The following ZMIZ1 variants were observed in gnomAD, a reference collection of about 807,000 sequenced individuals.
ZMIZ1 encodes the protein zinc finger MIZ domain-containing protein 1.
In ZMIZ1, 17 loss-of-function variants were observed where a neutral mutation model predicts 113.9. The observed-to-expected ratio is 0.15, with a 90% CI of 0.10 to 0.22. ZMIZ1 has a LOEUF of 0.22. Ranked by LOEUF, ZMIZ1 falls within the 10% of genes least tolerant of loss-of-function variation. ZMIZ1 has a pLI of 1.00. For synonymous variants in ZMIZ1, 607 were observed against 603.1 expected (o/e 1.01, Z -0.09); for missense variants, 1,059 against 1,477.8 (o/e 0.72, Z 4.65).
At chr10:79,173,638 G>A (rs1846696929) in intron 4 of ZMIZ1, among the ~76,000 whole-genome samples, 3 of 152,200 alleles carry the variant, frequency 2.0e-5, no homozygotes, top group African/African-American at 7.2e-5. Context: ...CCAAATCTTT[G>A]CTGTTAATCA....
chr10:79,289,653 C>T, intron 8 of ZMIZ1, 122 bp from the exon 9 acceptor site: 2 of 855,430 alleles, frequency 2.3e-6, no homozygotes, highest in Non-Finnish European at 3.7e-6. Flanking sequence ...CCAGTACCGA[C>T]TCGGATGGGG....
chr10:79,173,675 A>T (rs768572759), intron 4 of ZMIZ1, among the ~76,000 whole-genome samples: 22 of 152,174 alleles, frequency 1.4e-4, no homozygotes, highest in Admixed American at 3.9e-4. Context: ...AGTGTGTGTT[A>T]TGTGTTGGGG....
At chr10:79,259,477 TCTCA>T (rs532180313) in intron 7 of ZMIZ1, among the ~76,000 whole-genome samples, 30 of 152,296 alleles carry the variant, frequency 2.0e-4, no homozygotes, top group African/African-American at 7.2e-4. Flanking sequence ...ACCCTGTGCT[TCTCA>T]CTCCATTAAT....
In ZMIZ1 at chr10:79,300,776, G is replaced by A. The variant is rs1239578246; in HGVS notation, c.1853G>A (p.Arg618Gln). The A allele has an allele frequency of 3.1e-6, 5 of 1,613,884 alleles. No homozygotes were observed. Among genetic ancestry groups the A allele is most frequent in the East Asian group, 2.2e-5 (1 of 44,894 alleles). Residue 618 changes from arginine to glutamine, a missense_variant, in exon 17 of 25, where the codon CGG (arginine) becomes CAG (glutamine). Arg to Gln is a conservative substitution (Grantham distance 43). Around this residue, in one of 6 missense-constraint regions of ZMIZ1, gnomAD observed 217 missense variants for 426.9 expected, o/e 0.51. Coordinates refer to ENST00000334512, the MANE Select transcript of ZMIZ1 (RefSeq NM_020338.4). ...TTCAAGTGCTACCACCACGAGGACC[G>A]GCAGATGAACACCAACTGGCCCGCC... is the stretch of plus-strand genomic sequence containing the variant. ...LQFKCYHHEDRQMNTNWPASV... is the reference protein window; with the variant it reads ...LQFKCYHHEDQQMNTNWPASV...
chr10:79,124,553 A>G (rs1000505983), intron 2 of ZMIZ1, among the ~76,000 whole-genome samples: 1 of 152,214 alleles, frequency 6.6e-6, no homozygotes, highest in Non-Finnish European at 1.5e-5. Flanking sequence ...GCACCGTGCT[A>G]GGCCCTGGTA....
intron 1 of ZMIZ1, among the ~76,000 whole-genome samples, chr10:79,114,129 C>A (rs1190212969): frequency 6.6e-6 from 1 of 152,226 alleles, no homozygotes; most frequent in African/African-American, 2.4e-5. Context: ...TATCCAGCGG[C>A]AGACTTCCCT....
At chr10:79,246,208 G>A (rs1343283012) in intron 7 of ZMIZ1, among the ~76,000 whole-genome samples, 2 of 152,254 alleles carry the variant, frequency 1.3e-5, no homozygotes, top group African/African-American at 2.4e-5. Context: ...CCCTTGGCCA[G>A]CACTCTGTCA....
chr10:79,140,835 T>G (rs1471783668), intron 3 of ZMIZ1, among the ~76,000 whole-genome samples: 2 of 152,044 alleles, frequency 1.3e-5, no homozygotes, highest in Non-Finnish European at 2.9e-5. Flanking sequence ...CAGGTTGGAG[T>G]GCAGTGACAC....
intron 4 of ZMIZ1, among the ~76,000 whole-genome samples, chr10:79,194,794 A>G (rs1391095465): frequency 6.6e-6 from 1 of 152,138 alleles, no homozygotes; most frequent in African/African-American, 2.4e-5. Context: ...TCTATACATA[A>G]TAGCCGCTAA....
chr10:79,242,539 G>GCCCTC (rs543878844), intron 7 of ZMIZ1, among the ~76,000 whole-genome samples: 254 of 131,160 alleles, frequency 1.9e-3, no homozygotes, highest in African/African-American at 6.4e-3. Flanking sequence ...GCCTAGCCCC[G>GCCCTC]CCCTCCCCTC....
At chr10:79,293,300 T>G (rs1334299034) in intron 11 of ZMIZ1, 81 bp from the exon 12 acceptor site, 7 of 1,486,388 alleles carry the variant, frequency 4.7e-6, no homozygotes, top group Non-Finnish European at 6.3e-6. Context: ...CCCCAACCCT[T>G]CCCTCCCTGC....
At chr10:79,156,035 G>T (rs1342637173) in intron 3 of ZMIZ1, among the ~76,000 whole-genome samples, 1 of 152,222 alleles carries the variant, frequency 6.6e-6, no homozygotes, top group Non-Finnish European at 1.5e-5. Context: ...CACAAAGGCT[G>T]GGCAAGTGCT....
At chr10:79,304,226 G>A in intron 19 of ZMIZ1, 51 bp downstream of exon 19, 1 of 1,582,024 alleles carries the variant, frequency 6.3e-7, no homozygotes, top group Non-Finnish European at 8.6e-7. Context: ...GACTCTGGCT[G>A]GGATGGTGAG....
chr10:79,163,117 C>G (rs576070212), intron 4 of ZMIZ1, among the ~76,000 whole-genome samples: 1 of 152,382 alleles, frequency 6.6e-6, no homozygotes, highest in South Asian at 2.1e-4. Context: ...GCCCAGAGCC[C>G]TTTGTCCCAA....
At chr10:79,142,366 G>T (rs1173114531) in intron 3 of ZMIZ1, among the ~76,000 whole-genome samples, 1 of 152,180 alleles carries the variant, frequency 6.6e-6, no homozygotes, top group Non-Finnish European at 1.5e-5. Context: ...TGGCGCTTGA[G>T]AGGGTCAGGA....
At chr10:79,231,086 C>T (rs1471715496) in intron 7 of ZMIZ1, among the ~76,000 whole-genome samples, 5 of 152,202 alleles carry the variant, frequency 3.3e-5, no homozygotes. Flanking sequence ...AGGCAGATGA[C>T]ACAAAGATGG....
chr10:79,298,510 C>T lies in ZMIZ1; in HGVS notation c.1596C>T (p.Pro532=). ...PGSSIPPYLS[P]SQDVKPPFPP... is the part of the protein sequence containing the mutation. ...GCAGCATCCCTCCATACCTGTCCCC[C>T]AGCCAAGACGTCAAACCACCCTTCC... The change falls in exon 15 of 25, where the codon CCC becomes CCT. Residue 532 remains proline (P), a synonymous_variant. Coordinates refer to ENST00000334512, the MANE Select transcript of ZMIZ1 (RefSeq NM_020338.4). 1 of 1,603,524 alleles carries T rather than the reference C, an allele frequency of 6.2e-7. No individual in the cohort carries two copies. The highest frequency in any genetic ancestry group is 8.5e-7 in the Non-Finnish European group (1 of 1,175,464).
At position 79,242,449 on chromosome 10, in the gene ZMIZ1, G is replaced by A. The variant is rs556099363; in HGVS notation, c.280+26175G>A. ...GGGTGCCAGGGCACCCAGGGTCAGG[G>A]AAGTAAGATGCCGGGCCGCCTACCT... is the stretch of plus-strand genomic sequence containing the variant. On this transcript the variant is annotated intron_variant, in intron 7 of 24. Coordinates refer to ENST00000334512, the MANE Select transcript of ZMIZ1 (RefSeq NM_020338.4). Among the ~76,000 whole-genome samples, 6 of 152,256 alleles carry A rather than the reference G, an allele frequency of 3.9e-5. No individual in the cohort carries two copies. The South Asian group carries it at 1.0e-3, about 26-fold the overall frequency.
chr10:79,104,547 G>A (rs1450261521), intron 1 of ZMIZ1, among the ~76,000 whole-genome samples: 1 of 152,200 alleles, frequency 6.6e-6, no homozygotes, highest in East Asian at 1.9e-4. Context: ...TACAGAGATG[G>A]GCCAACTCAG....
Sources: allele counts gnomAD v4.1 joint callset (sites outside exome capture counted in the v4.1 genomes callset), GRCh38; gene constraint gnomAD v4.1.1; regional missense constraint gnomAD v4.1.1; transcripts MANE v1.5; gene names NCBI Gene and HGNC (gene_info 2026-07-23, HGNC 2026-07-21).